Variants in CASC3 observed in about 807,000 individuals in gnomAD.
CASC3 encodes CASC3 exon junction complex subunit.
CASC3 carries 30 observed loss-of-function variants against 80.5 expected under a neutral mutation model. The ratio of observed to expected loss-of-function variants is 0.37; its 90% CI spans 0.28 to 0.51. The LOEUF is 0.51. CASC3 is among the 20% of genes least tolerant of loss of function. The pLI is 0.94. For synonymous variants in CASC3, 312 were observed against 333.6 expected (o/e 0.94, Z 0.70); for missense variants, 824 against 922.2 (o/e 0.89, Z 1.38).
At position 40,169,394 on chromosome 17, in the gene CASC3, C is replaced by A; in HGVS notation, c.2036C>A (p.Ser679Tyr). Residue 679 changes from serine (S) to tyrosine (Y), a missense_variant, in exon 12 of 14, where the codon TCC (serine) becomes TAC (tyrosine). Transcript: ENST00000264645. ...CAGCAGCAGGTGCAGCCAAAGCCCT[C>A]CCCACCCCGGAGGACTCCCCAGCCA... The part of the protein sequence containing the change: ...PAQQQVQPKP[S>Y]PPRRTPQPVT... 2 of 1,612,468 alleles carry A rather than the reference C, an allele frequency of 1.2e-6. No homozygotes were observed. Among genetic ancestry groups the A allele is most frequent in the Non-Finnish European group, 1.7e-6 (2 of 1,179,374 alleles).
chr17:40,169,741 G>GTT, intron 13 of CASC3, 79 bp downstream of exon 13: 3 of 109,548 alleles, frequency 2.7e-5, no homozygotes, highest in South Asian at 3.5e-4. Flanking sequence ...CTTAATTAAT[G>GTT]CTTTTTTTTT....
At chr17:40,165,870 A>G (rs1040412761) in intron 7 of CASC3, among the ~76,000 whole-genome samples, 2 of 151,680 alleles carry the variant, frequency 1.3e-5, no homozygotes, top group Non-Finnish European at 2.9e-5. Context: ...GGCTCAAGCA[A>G]TCCTCCCATC....
Position 40,167,616 on chromosome 17 carries a change from A to C in CASC3, c.1651+4A>C. The C allele has an allele frequency of 6.2e-7, 1 of 1,604,896 alleles. No homozygotes were observed. Among genetic ancestry groups the C allele is most frequent in the South Asian group, 1.1e-5 (1 of 90,784 alleles). On this transcript the variant is annotated splice_donor_region_variant and intron_variant, in intron 9 of 13. Coordinates refer to ENST00000264645, the MANE Select transcript of CASC3 (RefSeq NM_007359.5). ...GAGGGACATTACTATGATCCACGTG[A>C]GTTTTTTCTTACTGTTGGGGTACTT...
At chr17:40,167,020 G>A (rs556117582) in intron 8 of CASC3, 159 bp downstream of exon 8, 22 of 572,196 alleles carry the variant, frequency 3.8e-5, no homozygotes, top group African/African-American at 3.4e-4. Flanking sequence ...GTGCAGTGAC[G>A]GGATCACGGC....
chr17:40,171,161 G>A lies in CASC3; in HGVS notation c.*756G>A. On this transcript the variant is annotated 3_prime_UTR_variant, in exon 14 of 14. Transcript: ENST00000264645. The stretch of plus-strand genomic sequence containing the variant: ...CCCTTCTCTTTGACTTAGGTTTTTA[G>A]GAGTCTGAGCATCCATCAATACCTG... The A allele has an allele frequency of 1.0e-6, 1 of 985,994 alleles. No individual in the cohort carries two copies. The highest frequency in any genetic ancestry group is 1.2e-6 in the Non-Finnish European group (1 of 829,978). The allele number at this position is 985,994 out of a possible 1,614,324, so 61.1% of individuals were successfully genotyped here.
At position 40,162,055 on chromosome 17, in the gene CASC3, G is replaced by A; in HGVS notation, c.510G>A (p.Leu170=). Residue 170 remains leucine, a synonymous_variant, in exon 5 of 14, where the codon TTG becomes TTA. Coordinates refer to ENST00000264645, the MANE Select transcript of CASC3 (RefSeq NM_007359.5). ...TGGGTAAAAAGGGCCCTAAGCATTT[G>A]GATGATGATGAAGATCGGAAGAATC... ...NKVGKKGPKH[L]DDDEDRKNPA... 6.2e-7 allele frequency: 1 copy of A among 1,614,116 alleles called. No homozygotes were observed. Among genetic ancestry groups the A allele is most frequent in the Non-Finnish European group, 8.5e-7 (1 of 1,180,020 alleles).
intron 3 of CASC3, among the ~76,000 whole-genome samples, chr17:40,145,392 T>A (rs1402050025): frequency 6.7e-6 from 1 of 148,586 alleles, no homozygotes; most frequent in Admixed American, 6.8e-5. Context: ...CAGGATGGTC[T>A]CCATCTCTTG....
chr17:40,159,489 C>A (rs1989234918), intron 3 of CASC3, among the ~76,000 whole-genome samples: 1 of 151,552 alleles, frequency 6.6e-6, no homozygotes, highest in Non-Finnish European at 1.5e-5. Context: ...GATTCTCCCG[C>A]CTCAGCCTCC....
At chr17:40,157,624 G>A (rs1407324888) in intron 3 of CASC3, among the ~76,000 whole-genome samples, 9 of 152,040 alleles carry the variant, frequency 5.9e-5, no homozygotes, top group Admixed American at 1.3e-4. Flanking sequence ...GCAGTGAGCT[G>A]AGATCGCGCC....
chr17:40,141,888 C>T (rs1598417959), intron 3 of CASC3, among the ~76,000 whole-genome samples: 1 of 152,160 alleles, frequency 6.6e-6, no homozygotes, highest in Non-Finnish European at 1.5e-5. Flanking sequence ...ATCTTGAAGT[C>T]CTCTGAAAGA....
intron 7 of CASC3, 33 bp downstream of exon 7, chr17:40,164,199 C>T: frequency 1.3e-6 from 2 of 1,524,934 alleles, no homozygotes; most frequent in East Asian, 2.3e-5. Flanking sequence ...CTAGCTTTTT[C>T]CCCTTTGCAT....
intron 3 of CASC3, among the ~76,000 whole-genome samples, chr17:40,143,102 A>C (rs537212346): frequency 6.6e-6 from 1 of 151,836 alleles, no homozygotes; most frequent in South Asian, 2.1e-4. Flanking sequence ...AAAAAAAATA[A>C]ATAAATAAAA....
At chr17:40,146,727 A>G (rs1988872367) in intron 3 of CASC3, among the ~76,000 whole-genome samples, 1 of 151,796 alleles carries the variant, frequency 6.6e-6, no homozygotes, top group Admixed American at 6.6e-5. Flanking sequence ...CATGAGCCAC[A>G]GTGCCTGGCC....
chr17:40,152,819 CA>C (rs1437101897), intron 3 of CASC3, among the ~76,000 whole-genome samples: 1 of 152,128 alleles, frequency 6.6e-6, no homozygotes, highest in Non-Finnish European at 1.5e-5. Context: ...CTCTGTAGCC[CA>C]GGCTGGAGTG....
intron 7 of CASC3, 64 bp from the exon 8 acceptor site, chr17:40,166,733 A>G: frequency 9.4e-7 from 1 of 1,067,086 alleles, no homozygotes; most frequent in African/African-American, 1.7e-5. Flanking sequence ...GTCTCTTGAT[A>G]GTATCTTTGA....
chr17:40,168,644 G>A, intron 11 of CASC3: 1 of 497,092 alleles, frequency 2.0e-6, no homozygotes, highest in Non-Finnish European at 3.7e-6. Flanking sequence ...GGCTTGGAGT[G>A]CAGTGGCGTG....
intron 3 of CASC3, among the ~76,000 whole-genome samples, chr17:40,155,252 A>ATTTTG (rs1302922239): frequency 6.9e-6 from 1 of 145,978 alleles, no homozygotes; most frequent in Admixed American, 6.9e-5. Flanking sequence ...GTAAGGTTTT[A>ATTTTG]TTTTGTTTTG....
chr17:40,141,868 G>T (rs1988727041), intron 3 of CASC3, among the ~76,000 whole-genome samples: 1 of 152,218 alleles, frequency 6.6e-6, no homozygotes, highest in Admixed American at 6.5e-5. Flanking sequence ...CTAAATAAGA[G>T]AGTGAGGATA....
Position 40,164,297 on chromosome 17 carries a change from T to C in CASC3, c.1471+131T>C, listed in dbSNP as rs559189081. 5.8e-5 allele frequency: 49 copies of C among 841,128 alleles called. No individual in the cohort carries two copies. The African/African-American group carries it at 7.7e-4, about 13-fold the overall frequency. 52.1% of individuals were successfully genotyped at this position (841,128 alleles called of 1,614,324 possible). A position where few individuals can be genotyped will look rare whatever the true frequency, so the allele number is the denominator to read the frequency against. ...CTTTTTTTTTGAGACAGAGTCTCAC[T>C]CTTTTGCCCAGGCTGGAGTGCAGTG... On this transcript the variant is annotated intron_variant, in intron 7 of 13. Coordinates refer to ENST00000264645, the MANE Select transcript of CASC3 (RefSeq NM_007359.5).
Sources: allele counts gnomAD v4.1 joint callset (sites outside exome capture counted in the v4.1 genomes callset), GRCh38; gene constraint gnomAD v4.1.1; transcripts MANE v1.5; gene names NCBI Gene and HGNC (gene_info 2026-07-23, HGNC 2026-07-21).